Variants in RIPOR1 observed in about 807,000 individuals in gnomAD.
RIPOR1 encodes RHO family interacting cell polarization regulator 1.
In RIPOR1, 58 loss-of-function variants were observed where a neutral mutation model predicts 116.5. The ratio of observed to expected loss-of-function variants is 0.50; its 90% CI spans 0.40 to 0.62. The LOEUF is 0.62. RIPOR1 is among the 20% of genes least tolerant of loss of function. The pLI, the probability that RIPOR1 is intolerant of heterozygous loss-of-function variation, is 0.00. For missense variants in RIPOR1, 1,372 were observed against 1,586.2 expected, an observed-to-expected ratio of 0.86 and a Z score of 2.29; for synonymous variants, 605 against 650.0, an observed-to-expected ratio of 0.93 and a Z score of 1.05.
chr16:67,525,818 C>T (rs989049761), upstream of RIPOR1, among the ~76,000 whole-genome samples: 15 of 152,174 alleles, frequency 9.9e-5, no homozygotes, highest in African/African-American at 2.9e-4. Context: ...GAGCTGACCA[C>T]GACCCAGGGA....
chr16:67,534,840 T>C (rs892824365), intron 1 of RIPOR1, among the ~76,000 whole-genome samples: 3 of 131,074 alleles, frequency 2.3e-5, no homozygotes, highest in Non-Finnish European at 3.2e-5. Context: ...TTTTTCTTTT[T>C]TTTTTTTTTT....
In RIPOR1 at chr16:67,544,180, T is replaced by C; in HGVS notation, c.2601-119T>C. 1 of 1,323,410 alleles carries C rather than the reference T, an allele frequency of 7.6e-7. No homozygotes were observed. Among genetic ancestry groups the C allele is most frequent in the South Asian group, 1.5e-5 (1 of 68,880 alleles). The allele number at this position is 1,323,410 out of a possible 1,614,324, so 82.0% of individuals were successfully genotyped here. A position where few individuals can be genotyped will look rare whatever the true frequency, so the allele number is the denominator to read the frequency against. On this transcript the variant is annotated intron_variant, in intron 14 of 21. Coordinates refer to ENST00000042381, the MANE Select transcript of RIPOR1 (RefSeq NM_024519.4). The surrounding 1 kb of genome is among the most constrained non-coding windows in gnomAD (Gnocchi z 5.1). ...AATCCTCCATGAACTTACCCCACTG[T>C]CTGCTGTCGGTGCATCATCTTCTTC... is the stretch of plus-strand genomic sequence containing the variant.
chr16:67,528,718 C>T (rs1264220716), upstream of RIPOR1: 1 of 142,784 alleles, frequency 7.0e-6, no homozygotes, highest in East Asian at 2.2e-4. Flanking sequence ...CGGAGCGAGC[C>T]GTGGGCGCCT....
chr16:67,538,472 A>G lies in RIPOR1; in HGVS notation c.26A>G (p.Gln9Arg). The G allele has an allele frequency of 6.2e-7, 1 of 1,609,898 alleles. No homozygotes were observed. The highest frequency in any genetic ancestry group is 8.5e-7 in the Non-Finnish European group (1 of 1,178,588). Residue 9 changes from glutamine (Q) to arginine (R), a missense_variant, in exon 2 of 22, where the codon CAG becomes CGG. This residue lies in a region of RIPOR1 where 165 missense variants were observed against 145.5 expected (regional missense o/e 1.13). Coordinates refer to ENST00000042381, the MANE Select transcript of RIPOR1 (RefSeq NM_024519.4). ...ATGATGTCCCTGTCGGTGCGGCCGC[A>G]GCGCCGTCTGCTCAGCGCCCGGGTC... MMSLSVRP[Q>R]RRLLSARVNR...
upstream of RIPOR1, among the ~76,000 whole-genome samples, chr16:67,526,878 G>GA (rs1259711446): frequency 6.6e-6 from 1 of 152,254 alleles, no homozygotes; most frequent in Non-Finnish European, 1.5e-5. Context: ...GAAAACCCCA[G>GA]TCTCTAGCTC....
Position 67,540,848 on chromosome 16 carries a change from GT to G in RIPOR1, c.801+145del. 1.1e-6 allele frequency: 1 copy of G among 927,378 alleles called. No individual in the cohort carries two copies. The highest frequency in any genetic ancestry group is 1.6e-6 in the Non-Finnish European group (1 of 606,450). The allele number at this position is 927,378 out of a possible 1,614,324, so 57.4% of individuals were successfully genotyped here. A position where few individuals can be genotyped will look rare whatever the true frequency, so the allele number is the denominator to read the frequency against. On this transcript the variant is annotated intron_variant, in intron 10 of 21. Coordinates refer to ENST00000042381, the MANE Select transcript of RIPOR1 (RefSeq NM_024519.4). This position sits in a 1 kb window ranked among gnomAD's most constrained non-coding sequence, Gnocchi z 4.7. ...TGATTCCATGACCTTCATGATCTCTGTGGCCCTGAGAGGAACAATCTTTGTG... is the reference window on the plus strand; with the variant it reads ...TGATTCCATGACCTTCATGATCTCTGGGCCCTGAGAGGAACAATCTTTGTG...
At chr16:67,522,021 G>GT (rs747690828) in intron 1 of RIPOR1, among the ~76,000 whole-genome samples, 112 of 148,822 alleles carry the variant, frequency 7.5e-4, no homozygotes, top group Non-Finnish European at 1.2e-3. Flanking sequence ...ACTCCACCAT[G>GT]TTTTTTGTTG....
rs747592741 is a variant in RIPOR1, at chr16:67,540,055, C to G, written c.417C>G (p.Ile139Met). 1.9e-6 allele frequency: 3 copies of G among 1,614,114 alleles called. No homozygotes were observed. In the Admixed American group the frequency reaches 5.0e-5, roughly 27 times the overall value. ...TGTCACCCCACTCACCTTCCCAGAT[C>G]GATGAGCTGTATGAGGCATACTGTG... is the stretch of plus-strand genomic sequence containing the variant. ...LRRLEFHASK[I>M]DELYEAYCVQ... Residue 139 changes from isoleucine to methionine, a missense_variant and splice_region_variant, in exon 7 of 22, where the codon ATC becomes ATG. Physicochemically the swap from Ile to Met is conservative, Grantham distance 10. Around this residue, in one of 3 missense-constraint regions of RIPOR1, gnomAD observed 202 missense variants for 295.9 expected, o/e 0.68. Coordinates refer to ENST00000042381, the MANE Select transcript of RIPOR1 (RefSeq NM_024519.4). This position sits in a 1 kb window ranked among gnomAD's most constrained non-coding sequence, Gnocchi z 4.7.
chr16:67,543,714 C>A lies in RIPOR1; in HGVS notation c.2600+245C>A. 1.7e-6 allele frequency: 1 copy of A among 574,856 alleles called. No individual in the cohort carries two copies. The highest frequency in any genetic ancestry group is 3.1e-6 in the Non-Finnish European group (1 of 323,500). The allele number at this position is 574,856 out of a possible 1,614,324, so 35.6% of individuals were successfully genotyped here. ...CAGTGCTTCTGACCGCCCTCTTCAT[C>A]TCTGCAATGTCTGCCTCCCCTGCCG... On this transcript the variant is annotated intron_variant, in intron 14 of 21. Transcript: ENST00000042381. The surrounding 1 kb of genome is among the most constrained non-coding windows in gnomAD (Gnocchi z 4.7).
rs1423839205 is a variant in RIPOR1 at position 67,542,327 on chromosome 16, C to T, written c.1541C>T (p.Ser514Phe). 5 of 1,613,942 alleles carry T rather than the reference C, an allele frequency of 3.1e-6. No individual in the cohort carries two copies. The highest frequency in any genetic ancestry group is 3.4e-6 in the Non-Finnish European group (4 of 1,179,962). The change falls in exon 13 of 22, where the codon TCT becomes TTT. Residue 514 changes from serine (S) to phenylalanine (F), a missense_variant. Physicochemically the swap from Ser to Phe is radical, Grantham distance 155. This residue lies in a region of RIPOR1 where 1,005 missense variants were observed against 1,144.7 expected (regional missense o/e 0.88). Transcript: ENST00000042381. This position sits in a 1 kb window ranked among gnomAD's most constrained non-coding sequence, Gnocchi z 4.6. The part of the protein sequence containing the change: ...ATSSTLGTTG[S>F]VPTSTDPAPS... ...AGCTCTACCCTCGGTACAACAGGCTCTGTCCCCACATCTACAGACCCTGCC... is the reference window on the plus strand; with the variant it reads ...AGCTCTACCCTCGGTACAACAGGCTTTGTCCCCACATCTACAGACCCTGCC...
At chr16:67,520,062 C>CAAAAA (rs796368368) in intron 1 of RIPOR1, among the ~76,000 whole-genome samples, 1 of 46,048 alleles carries the variant, frequency 2.2e-5, no homozygotes, top group African/African-American at 4.8e-5. Context: ...AACTCCGTCT[C>CAAAAA]AAAAAAAAAA....
At chr16:67,534,582 C>G (rs529302972) in intron 1 of RIPOR1, among the ~76,000 whole-genome samples, 1 of 152,242 alleles carries the variant, frequency 6.6e-6, no homozygotes, top group South Asian at 2.1e-4. Context: ...TTACCAGCAC[C>G]CTGGAAGACC....
upstream of RIPOR1, among the ~76,000 whole-genome samples, chr16:67,525,836 T>C (rs1413684675): frequency 6.6e-6 from 1 of 152,166 alleles, no homozygotes; most frequent in African/African-American, 2.4e-5. Flanking sequence ...GGAGCCAAGT[T>C]GGAGCTCAGA....
At chr16:67,539,654 G>A (rs1386101549) in intron 4 of RIPOR1, 74 bp from the exon 5 acceptor site, 1 of 1,560,874 alleles carries the variant, frequency 6.4e-7, no homozygotes, top group East Asian at 2.2e-5. Flanking sequence ...GGGGAGCTGT[G>A]ACGAGTCTGA....
In RIPOR1 at chr16:67,541,569, T is replaced by A; in HGVS notation, c.941T>A (p.Val314Asp). The A allele has an allele frequency of 6.2e-7, 1 of 1,613,990 alleles. No homozygotes were observed. The highest frequency in any genetic ancestry group is 8.5e-7 in the Non-Finnish European group (1 of 1,179,936). ...GGTACCATCAAGCTCAGCCTGGAAG[T>A]CACATGGAGGTTGGTGGGGCTGAGA... ...DLGTIKLSLE[V>D]TWSPFDKDDQ... Residue 314 changes from valine (V) to aspartate (D), a missense_variant, in exon 11 of 22, where the codon GTC becomes GAC. Val to Asp is a radical substitution (Grantham distance 152). Around this residue, in one of 3 missense-constraint regions of RIPOR1, gnomAD observed 202 missense variants for 295.9 expected, o/e 0.68. Transcript: ENST00000042381. This position sits in a 1 kb window ranked among gnomAD's most constrained non-coding sequence, Gnocchi z 4.6.
upstream of RIPOR1, among the ~76,000 whole-genome samples, chr16:67,525,507 C>T (rs921361962): frequency 1.2e-4 from 18 of 151,060 alleles, no homozygotes; most frequent in Non-Finnish European, 2.7e-4. Flanking sequence ...TTGTCATCCG[C>T]GGGGGCTGTA....
At chr16:67,519,882 T>C (rs1169432508) in intron 1 of RIPOR1, among the ~76,000 whole-genome samples, 1 of 151,458 alleles carries the variant, frequency 6.6e-6, no homozygotes, top group Non-Finnish European at 1.5e-5. Flanking sequence ...GCCAACATGG[T>C]GAAACCCTGT....
chr16:67,524,662 T>C, upstream of RIPOR1, among the ~76,000 whole-genome samples: 1 of 152,180 alleles, frequency 6.6e-6, no homozygotes. Context: ...TATCCCACTA[T>C]CCACCCATCA....
Position 67,529,762 on chromosome 16 carries a change from T to G in RIPOR1, c.-24+848T>G, listed in dbSNP as rs2050604604. 2 of 1,534,850 alleles carry G rather than the reference T, an allele frequency of 1.3e-6. No individual in the cohort carries two copies. The highest frequency in any genetic ancestry group is 8.7e-7 in the Non-Finnish European group (1 of 1,146,756). ...AACAATACTTGTGCCCTGGCTGCAG[T>G]CTGCGGGGCCGCGCCCTGGGCCTGC... is the stretch of plus-strand genomic sequence containing the variant. On this transcript the variant is annotated intron_variant, in intron 1 of 21. Coordinates refer to ENST00000042381, the MANE Select transcript of RIPOR1 (RefSeq NM_024519.4). The surrounding 1 kb of genome is among the most constrained non-coding windows in gnomAD (Gnocchi z 4.1).
Sources: gnomAD v4.1 joint callset for allele counts (sites outside exome capture counted in the v4.1 genomes callset) on GRCh38, gnomAD v4.1.1 for gene constraint, gnomAD v4.1.1 regional missense constraint, Gnocchi (gnomAD v3.1) non-coding constraint, MANE v1.5 for transcripts, NCBI Gene and HGNC (gene_info 2026-07-23, HGNC 2026-07-21) for gene names.